The following RBMS3 variants were observed in gnomAD, a reference collection of about 807,000 sequenced individuals.
The protein encoded by RBMS3 is RNA binding motif single stranded interacting protein 3.
A neutral mutation model predicts 66.8 loss-of-function variants in RBMS3; 27 were observed. The ratio of observed to expected loss-of-function variants is 0.40; its 90% CI spans 0.30 to 0.56. The LOEUF is 0.56. Ranked by LOEUF, RBMS3 falls within the 20% of genes least tolerant of loss-of-function variation. The probability of loss-of-function intolerance (pLI) is 0.40; values close to 1 mark genes in which losing one functional copy is unlikely to be tolerated. For missense variants in RBMS3, 513 were observed against 549.5 expected, an observed-to-expected ratio of 0.93 and a Z score of 0.66; for synonymous variants, 188 against 183.0, an observed-to-expected ratio of 1.03 and a Z score of -0.22.
intron 7 of RBMS3, among the ~76,000 whole-genome samples, chr3:29,878,812 C>T (rs1172061297): frequency 9.2e-5 from 14 of 152,016 alleles, no homozygotes; most frequent in Admixed American, 9.2e-4. Flanking sequence ...GAGGCAAAAG[C>T]AGGAGGATCA....
chr3:29,354,989 G>A (rs1255299173), intron 1 of RBMS3, among the ~76,000 whole-genome samples: 4 of 152,106 alleles, frequency 2.6e-5, no homozygotes. Flanking sequence ...TAAGGCATTT[G>A]GGCAATGTGT....
At chr3:29,993,284 C>G (rs1699000414) in intron 14 of RBMS3, among the ~76,000 whole-genome samples, 1 of 149,040 alleles carries the variant, frequency 6.7e-6, no homozygotes, top group South Asian at 2.1e-4. Context: ...CTCTGAAACT[C>G]CAGTCCAAGC....
At chr3:29,739,403 T>C (rs573157311) in intron 4 of RBMS3, among the ~76,000 whole-genome samples, 36 of 145,196 alleles carry the variant, frequency 2.5e-4, no homozygotes, top group Middle Eastern at 7.6e-3. Flanking sequence ...TTGCAGTGAG[T>C]CGAGATCGCG....
chr3:29,781,429 G>A (rs183808640), intron 6 of RBMS3, among the ~76,000 whole-genome samples: 33 of 151,980 alleles, frequency 2.2e-4, no homozygotes, highest in Non-Finnish European at 2.9e-4. Context: ...GTTTTATACC[G>A]CATTTTATTC....
At chr3:29,713,196 CTCT>C (rs1291657379) in intron 4 of RBMS3, among the ~76,000 whole-genome samples, 6 of 151,706 alleles carry the variant, frequency 4.0e-5, no homozygotes, top group Non-Finnish European at 5.9e-5. Flanking sequence ...CATGAAATTT[CTCT>C]TCATTTCCCC....
intron 8 of RBMS3, among the ~76,000 whole-genome samples, chr3:29,884,469 T>TCTCTCTCTACC (rs1553692501): frequency 1.5e-5 from 1 of 66,334 alleles, no homozygotes; most frequent in African/African-American, 5.3e-5. Context: ...TCTCTCTCTC[T>TCTCTCTCTACC]CCCCCCCCGC....
At chr3:29,431,647 G>A (rs2041210982) in intron 1 of RBMS3, among the ~76,000 whole-genome samples, 1 of 152,122 alleles carries the variant, frequency 6.6e-6, no homozygotes, top group Admixed American at 6.5e-5. Context: ...CTCCTGTCAT[G>A]TCTATTCTTT....
chr3:29,623,364 A>G (rs1182935242), intron 4 of RBMS3, among the ~76,000 whole-genome samples: 2 of 151,838 alleles, frequency 1.3e-5, no homozygotes, highest in Non-Finnish European at 1.5e-5. Flanking sequence ...ACGCCGAGGC[A>G]GGCGGTTCAC....
At chr3:29,338,687 TCTCCTCTCCTC>T (rs2036099891) in intron 1 of RBMS3, among the ~76,000 whole-genome samples, 1 of 100,562 alleles carries the variant, frequency 9.9e-6, no homozygotes, top group South Asian at 3.4e-4. Context: ...CCTCCTCTCC[TCTCCTCTCCTC>T]CTCCTCTCCT....
intron 10 of RBMS3, among the ~76,000 whole-genome samples, chr3:29,911,375 C>G (rs1282493802): frequency 6.6e-6 from 1 of 152,074 alleles, no homozygotes; most frequent in Non-Finnish European, 1.5e-5. Context: ...TGCCCTTCAA[C>G]AGTTCTGCCA....
chr3:29,539,491 T>C lies in RBMS3; in HGVS notation c.308-47623T>C, dbSNP rs144970205. 1.1e-3 allele frequency among the ~76,000 whole-genome samples: 174 copies of C among 152,316 alleles called. 1 individual carries two copies. The highest frequency in any genetic ancestry group is 3.9e-3 in the African/African-American group (161 of 41,586). ...CATTTACCAGCCCTTGAAGCCCTTT[T>C]ACCTCCCTCCAGCTTATTACATCTA... On this transcript the variant is annotated intron_variant, in intron 3 of 14. Coordinates refer to ENST00000383767, the MANE Select transcript of RBMS3 (RefSeq NM_001003793.3).
intron 4 of RBMS3, among the ~76,000 whole-genome samples, chr3:29,673,946 A>G (rs1173484327): frequency 1.3e-5 from 2 of 152,294 alleles, no homozygotes; most frequent in East Asian, 3.9e-4. Flanking sequence ...CAGAGATACA[A>G]CAAAAAAAGA....
intron 6 of RBMS3, among the ~76,000 whole-genome samples, chr3:29,810,795 C>G (rs889226529): frequency 1.3e-5 from 2 of 152,116 alleles, no homozygotes; most frequent in African/African-American, 4.8e-5. Context: ...GTAACAGGTT[C>G]ATGATATACT....
intron 3 of RBMS3, among the ~76,000 whole-genome samples, chr3:29,493,190 C>T (rs2043614950): frequency 6.6e-6 from 1 of 151,960 alleles, no homozygotes; most frequent in African/African-American, 2.4e-5. Flanking sequence ...TAGATTATGC[C>T]AAGCCTAGAA....
At chr3:29,308,313 G>A (rs1575512653) in intron 1 of RBMS3, among the ~76,000 whole-genome samples, 1 of 151,764 alleles carries the variant, frequency 6.6e-6, no homozygotes, top group Non-Finnish European at 1.5e-5. Context: ...CATTTATTCA[G>A]CACCTGCCAT....
chr3:29,410,400 A>T (rs1315673639), intron 1 of RBMS3, among the ~76,000 whole-genome samples: 4 of 152,192 alleles, frequency 2.6e-5, no homozygotes, highest in Non-Finnish European at 5.9e-5. Context: ...TGTGTCACTG[A>T]CAGCTAGTAT....
intron 4 of RBMS3, among the ~76,000 whole-genome samples, chr3:29,634,747 C>A (rs1045984430): frequency 4.6e-5 from 7 of 151,786 alleles, no homozygotes; most frequent in African/African-American, 1.5e-4. Context: ...TCTGGGGGAA[C>A]CATAACCAGG....
chr3:29,707,976 C>G (rs2052986301), intron 4 of RBMS3, among the ~76,000 whole-genome samples: 1 of 152,136 alleles, frequency 6.6e-6, no homozygotes, highest in South Asian at 2.1e-4. Flanking sequence ...TGTGGGATGG[C>G]CCTCAAGTGT....
chr3:29,409,436 C>T (rs144288532), intron 1 of RBMS3, among the ~76,000 whole-genome samples: 182 of 152,322 alleles, frequency 1.2e-3, no homozygotes, highest in Admixed American at 3.1e-3. Flanking sequence ...AGCCCTAACA[C>T]AACACAGTCT....
Sources: allele counts gnomAD v4.1 joint callset (sites outside exome capture counted in the v4.1 genomes callset), GRCh38; gene constraint gnomAD v4.1.1; transcripts MANE v1.5; gene names NCBI Gene and HGNC (gene_info 2026-07-23, HGNC 2026-07-21).